The following NRG1 variants were observed in gnomAD, a reference collection of about 807,000 sequenced individuals.
The protein encoded by NRG1 is pro-neuregulin-1, membrane-bound isoform.
Under a neutral mutation model 63.8 loss-of-function variants are expected in NRG1, and 18 were observed. The ratio of observed to expected loss-of-function variants is 0.28; its 90% CI spans 0.19 to 0.42. The LOEUF is 0.42. NRG1 is among the 10% of genes least tolerant of loss of function. The probability of loss-of-function intolerance (pLI) is 1.00; values close to 1 mark genes in which losing one functional copy is unlikely to be tolerated. For missense variants in NRG1, 762 were observed against 814.7 expected (o/e 0.94, Z 0.79); for synonymous variants, 302 against 301.3 (o/e 1.00, Z -0.02).
intron 1 of NRG1, among the ~76,000 whole-genome samples, chr8:31,984,989 G>A (rs1445993863): frequency 6.6e-6 from 1 of 151,952 alleles, no homozygotes; most frequent in Non-Finnish European, 1.5e-5. Flanking sequence ...ATTCCTTGGG[G>A]GTTTACCCAT....
chr8:32,520,761 C>A (rs1314069378), intron 1 of NRG1, among the ~76,000 whole-genome samples: 4 of 152,156 alleles, frequency 2.6e-5, no homozygotes, highest in African/African-American at 9.7e-5. Flanking sequence ...TAAAAAATCC[C>A]AGAAATAAAC....
At chr8:31,705,771 C>A (rs1449703730) in intron 1 of NRG1, among the ~76,000 whole-genome samples, 1 of 152,092 alleles carries the variant, frequency 6.6e-6, no homozygotes, top group African/African-American at 2.4e-5. Context: ...ATTTTTCCAC[C>A]ACTGAAGCTA....
At chr8:32,614,669 C>A (rs1180287798) in intron 4 of NRG1, 105 bp downstream of exon 4, 1 of 1,009,562 alleles carries the variant, frequency 9.9e-7, no homozygotes, top group Non-Finnish European at 1.5e-6. Flanking sequence ...GACCTCTCAG[C>A]TGCTCTTGTT....
At chr8:31,873,673 G>A (rs1052322136) in intron 1 of NRG1, among the ~76,000 whole-genome samples, 1 of 152,218 alleles carries the variant, frequency 6.6e-6, no homozygotes, top group African/African-American at 2.4e-5. Context: ...GGGTCTGAAT[G>A]CCTATAAAAG....
chr8:32,229,786 A>G (rs1172479246), intron 1 of NRG1, among the ~76,000 whole-genome samples: 1 of 152,188 alleles, frequency 6.6e-6, no homozygotes, highest in Non-Finnish European at 1.5e-5. Context: ...TGGCCATATA[A>G]TTTCTACTCC....
intron 1 of NRG1, among the ~76,000 whole-genome samples, chr8:31,828,996 A>G (rs1213863030): frequency 2.6e-5 from 4 of 152,334 alleles, no homozygotes; most frequent in Middle Eastern, 3.4e-3. Flanking sequence ...TTGAGCTACA[A>G]TGCGGAGACA....
At chr8:32,045,655 C>G (rs955844219) in intron 1 of NRG1, among the ~76,000 whole-genome samples, 1 of 151,884 alleles carries the variant, frequency 6.6e-6, no homozygotes, top group Non-Finnish European at 1.5e-5. Flanking sequence ...AATAGACCTG[C>G]ATAAATATGC....
rs1803501482 is a variant in NRG1, at chr8:32,337,721, A to AG, written c.38-258107_38-258106insG. ...GGAAAGGGAAGCCTGAGCTATTAAG[A>AG]AAAACACATTGCTTCTTACATGGTA... is the stretch of plus-strand genomic sequence containing the variant. On this transcript the variant is annotated intron_variant, in intron 1 of 10. Coordinates refer to the NRG1 transcript ENST00000519301. Among the ~76,000 whole-genome samples the AG allele has an allele frequency of 5.7e-5, 2 of 35,336 alleles. 1 individual carries two copies. The highest frequency in any genetic ancestry group is 2.5e-3 in the South Asian group (2 of 790). 23.2% of individuals were successfully genotyped at this position (35,336 alleles called of 152,430 possible).
chr8:32,482,101 C>T (rs1294433729), intron 1 of NRG1, among the ~76,000 whole-genome samples: 2 of 152,004 alleles, frequency 1.3e-5, no homozygotes, highest in African/African-American at 2.4e-5. Flanking sequence ...GGAACAGAAC[C>T]GTGAACAGAA....
Position 32,307,589 on chromosome 8 carries a change from TTGTGTGTGTG to T in NRG1, c.38-288209_38-288200del, listed in dbSNP as rs371611530. ...AATGGCTCTATGGTCACCCAGGGGT[TTGTGTGTGTG>T]TGTGTGTGTGTGTGTGTGTGTGTGT... On this transcript the variant is annotated intron_variant, in intron 1 of 10. Transcript: ENST00000519301. 8.8e-4 allele frequency among the ~76,000 whole-genome samples: 82 copies of T among 93,516 alleles called. No homozygotes were observed. The South Asian group carries it at 0.012, about 13-fold the overall frequency. The allele number at this position is 93,516 out of a possible 152,430, so 61.4% of individuals were successfully genotyped here. A position where few individuals can be genotyped will look rare whatever the true frequency, so the allele number is the denominator to read the frequency against.
intron 5 of NRG1, among the ~76,000 whole-genome samples, chr8:32,680,331 A>G (rs1432622345): frequency 6.6e-6 from 1 of 152,176 alleles, no homozygotes; most frequent in African/African-American, 2.4e-5. Flanking sequence ...AACTGATACC[A>G]AGGGGTACCT....
At chr8:31,701,519 A>G (rs1810630499) in intron 1 of NRG1, among the ~76,000 whole-genome samples, 1 of 152,136 alleles carries the variant, frequency 6.6e-6, no homozygotes, top group Non-Finnish European at 1.5e-5. Context: ...GTAAATCCAT[A>G]ACATACAGAC....
intron 1 of NRG1, among the ~76,000 whole-genome samples, chr8:32,380,635 C>T (rs1810233530): frequency 6.6e-6 from 1 of 152,178 alleles, no homozygotes; most frequent in African/African-American, 2.4e-5. Flanking sequence ...TTACCACTCT[C>T]CACTTAAGAA....
At chr8:32,489,909 T>C (rs1311003456) in intron 1 of NRG1, among the ~76,000 whole-genome samples, 1 of 152,224 alleles carries the variant, frequency 6.6e-6, no homozygotes, top group Non-Finnish European at 1.5e-5. Flanking sequence ...TGTGTGACTT[T>C]GGATGCTCTC....
chr8:31,991,794 T>C (rs1163629121), intron 1 of NRG1, among the ~76,000 whole-genome samples: 1 of 151,972 alleles, frequency 6.6e-6, no homozygotes, highest in Non-Finnish European at 1.5e-5. Flanking sequence ...CCTTTTCTCC[T>C]TCTCTTTCTT....
chr8:32,659,426 C>G (rs1277766980), intron 5 of NRG1, among the ~76,000 whole-genome samples: 1 of 152,024 alleles, frequency 6.6e-6, no homozygotes, highest in Non-Finnish European at 1.5e-5. Flanking sequence ...GGGATTATAG[C>G]CGTGACCCAC....
At chr8:31,871,447 C>T (rs527736238) in intron 1 of NRG1, among the ~76,000 whole-genome samples, 1 of 152,084 alleles carries the variant, frequency 6.6e-6, no homozygotes, top group South Asian at 2.1e-4. Flanking sequence ...CTAAATCGCT[C>T]CATGCAAGGG....
chr8:31,936,973 A>G (rs946604059), intron 1 of NRG1, among the ~76,000 whole-genome samples: 1 of 152,220 alleles, frequency 6.6e-6, no homozygotes, highest in Non-Finnish European at 1.5e-5. Flanking sequence ...TGTTTAAATG[A>G]CTTTTAAAAG....
rs536487345 is a variant in NRG1 at position 31,654,121 on chromosome 8, A to G, written c.37+14690A>G. Among the ~76,000 whole-genome samples the G allele has an allele frequency of 4.6e-5, 7 of 152,294 alleles. No homozygotes were observed. The South Asian group carries it at 1.5e-3, about 32-fold the overall frequency. On this transcript the variant is annotated intron_variant, in intron 1 of 10. Coordinates refer to the NRG1 transcript ENST00000519301. The stretch of plus-strand genomic sequence containing the variant: ...CTCTCAAGTAGTTTTATTTCCAGTA[A>G]CTTGCAAAATAACTGTCATTATGGA...
Sources: allele counts gnomAD v4.1 joint callset (sites outside exome capture counted in the v4.1 genomes callset), GRCh38; gene constraint gnomAD v4.1.1; transcripts MANE v1.5; gene names NCBI Gene and HGNC (gene_info 2026-07-23, HGNC 2026-07-21).